Variants in LAMA4 observed in about 807,000 individuals in gnomAD.
LAMA4 encodes laminin subunit alpha 4, also known as laminin subunit alpha-4.
Under a neutral mutation model 207.1 loss-of-function variants are expected in LAMA4, and 127 were observed. The ratio of observed to expected loss-of-function variants is 0.61; its 90% CI spans 0.53 to 0.71. The LOEUF (loss-of-function observed/expected upper bound fraction) is 0.71. Among genes scored for constraint, LAMA4 ranks in the 30% least tolerant of loss-of-function variants. The pLI is 0.00. For synonymous variants in LAMA4, 761 were observed against 816.0 expected (o/e 0.93, Z 1.15); for missense variants, 2,093 against 2,246.5 (o/e 0.93, Z 1.38).
rs1304181910 is a variant in LAMA4, at chr6:112,254,309, A to G, written c.-141-18T>C. ...ACCAGCAGCTTAGGAAATAAAGGGA[A>G]AGTGCGAGAGTAAGGGAGAGTTCCA... On this transcript the variant is annotated intron_variant, in intron 1 of 38. Coordinates refer to ENST00000230538, the MANE Select transcript of LAMA4 (RefSeq NM_001105206.3). 7 of 844,874 alleles carry G rather than the reference A, an allele frequency of 8.3e-6. No individual in the cohort carries two copies. In the African/African-American group the frequency reaches 1.2e-4, roughly 14 times the overall value. The allele number at this position is 844,874 out of a possible 1,614,324, so 52.3% of individuals were successfully genotyped here.
chr6:112,249,774 T>C (rs1554189380), intron 2 of LAMA4, among the ~76,000 whole-genome samples: 1 of 152,228 alleles, frequency 6.6e-6, no homozygotes, highest in Non-Finnish European at 1.5e-5. Context: ...CATACTATTA[T>C]TGCTATTACC....
chr6:112,138,709 GAT>G (rs570885291), intron 24 of LAMA4, among the ~76,000 whole-genome samples: 429 of 151,944 alleles, frequency 2.8e-3, no homozygotes, highest in Non-Finnish European at 4.0e-3. Context: ...TATAAACAAA[GAT>G]ATATATGTGT....
intron 38 of LAMA4, among the ~76,000 whole-genome samples, chr6:112,112,950 A>G (rs1037980868): frequency 1.3e-5 from 2 of 152,202 alleles, no homozygotes; most frequent in Non-Finnish European, 1.5e-5. Context: ...ACTCACATAC[A>G]TGAGCTTAAG....
At chr6:112,250,131 G>A (rs547067969) in intron 2 of LAMA4, among the ~76,000 whole-genome samples, 1 of 152,180 alleles carries the variant, frequency 6.6e-6, no homozygotes, top group Non-Finnish European at 1.5e-5. Flanking sequence ...CATGTAAGGG[G>A]TTCAGATTAC....
At chr6:112,202,185 C>T (rs538996220) in intron 4 of LAMA4, among the ~76,000 whole-genome samples, 9 of 152,224 alleles carry the variant, frequency 5.9e-5, no homozygotes, top group Middle Eastern at 3.4e-3. Flanking sequence ...CTGGCTGCGT[C>T]GATGAAAGTC....
Position 112,172,747 on chromosome 6 carries a change from G to A in LAMA4, c.1415C>T (p.Pro472Leu). ...GTCATCCAGCTGCTCCAGGACGACA[G>A]GAAACAGAGTGCGGGTCTCATTGTG... ...RLHNETRTLF[P>L]VVLEQLDDYN... The change falls in exon 12 of 39, where the codon CCT becomes CTT. Residue 472 changes from proline (P) to leucine (L), a missense_variant. Pro to Leu is a moderately conservative substitution (Grantham distance 98). Around this residue, in one of 3 missense-constraint regions of LAMA4, gnomAD observed 1,704 missense variants for 1,788.4 expected, o/e 0.95. Coordinates refer to ENST00000230538, the MANE Select transcript of LAMA4 (RefSeq NM_001105206.3). The A allele has an allele frequency of 6.2e-7, 1 of 1,614,120 alleles. No homozygotes were observed. The highest frequency in any genetic ancestry group is 8.5e-7 in the Non-Finnish European group (1 of 1,179,996).
At chr6:112,241,150 A>AAT (rs1474824571) in intron 2 of LAMA4, among the ~76,000 whole-genome samples, 1 of 60,682 alleles carries the variant, frequency 1.6e-5, no homozygotes, top group Non-Finnish European at 4.2e-5. Context: ...TATATATATG[A>AAT]ATATATATAT....
chr6:112,177,540 T>A (rs1782098446), intron 10 of LAMA4, among the ~76,000 whole-genome samples: 1 of 152,248 alleles, frequency 6.6e-6, no homozygotes, highest in Non-Finnish European at 1.5e-5. Flanking sequence ...AAGATTATCC[T>A]GCATGTATTG....
intron 38 of LAMA4, among the ~76,000 whole-genome samples, 200 bp from the exon 39 acceptor site, chr6:112,109,782 G>A (rs782358662): frequency 2.2e-5 from 3 of 138,778 alleles, no homozygotes; most frequent in African/African-American, 3.5e-5. Context: ...TAATTTTAAC[G>A]TTTTGCCATG....
intron 4 of LAMA4, 95 bp from the exon 5 acceptor site, chr6:112,201,783 A>T (rs1272154197): frequency 1.9e-6 from 2 of 1,028,178 alleles, no homozygotes; most frequent in African/African-American, 3.1e-5. Flanking sequence ...TGGTCCCATT[A>T]AAGTTCTAAT....
intron 1 of LAMA4, 55 bp from the exon 2 acceptor site, chr6:112,254,346 C>CCT (rs1554190674): frequency 2.4e-5 from 15 of 636,226 alleles, no homozygotes; most frequent in South Asian, 7.6e-5. Flanking sequence ...CCTCTCTCTC[C>CCT]CTCTCTCTCT....
chr6:112,157,044 A>C (rs1554337184), intron 14 of LAMA4, among the ~76,000 whole-genome samples: 1 of 152,188 alleles, frequency 6.6e-6, no homozygotes, highest in African/African-American at 2.4e-5. Context: ...GAACCCACCA[A>C]GGCAAAAGTG....
At chr6:112,189,245 T>A in intron 6 of LAMA4, 40 bp from the exon 7 acceptor site, 1 of 1,405,478 alleles carries the variant, frequency 7.1e-7, no homozygotes, top group Non-Finnish European at 1.0e-6. Flanking sequence ...ATGCACTTCT[T>A]AATGCTTAAA....
intron 11 of LAMA4, among the ~76,000 whole-genome samples, chr6:112,173,714 T>G (rs1781855679): frequency 6.6e-6 from 1 of 152,204 alleles, no homozygotes; most frequent in African/African-American, 2.4e-5. Context: ...ATAATAAACC[T>G]GTATGTCAGT....
At chr6:112,114,835 A>G in intron 36 of LAMA4, 79 bp from the exon 37 acceptor site, 1 of 1,015,192 alleles carries the variant, frequency 9.9e-7, no homozygotes, top group Non-Finnish European at 1.6e-6. Context: ...AATTTACCAC[A>G]GTGAAGCAAT....
chr6:112,147,451 C>T (rs1780097228), intron 18 of LAMA4, among the ~76,000 whole-genome samples: 1 of 152,030 alleles, frequency 6.6e-6, no homozygotes, highest in Non-Finnish European at 1.5e-5. Context: ...GTTTGCAAAA[C>T]CATATTGGAG....
chr6:112,151,400 A>G (rs1780394554), intron 16 of LAMA4, among the ~76,000 whole-genome samples: 1 of 152,166 alleles, frequency 6.6e-6, no homozygotes. Flanking sequence ...TCATTTCCAT[A>G]TAAATTCTAG....
chr6:112,239,465 G>A (rs1786216700), intron 2 of LAMA4, among the ~76,000 whole-genome samples: 1 of 152,088 alleles, frequency 6.6e-6, no homozygotes, highest in African/African-American at 2.4e-5. Context: ...AAAACATGAG[G>A]CTAGAGGAGG....
In LAMA4 at chr6:112,252,943, C is replaced by T. The variant is rs560198106; in HGVS notation, c.195+1013G>A. ...GGGTAGGGCTTACTCTGAAGAAGGA[C>T]CATGTTCATGCACCTTATTTTTAAT... On this transcript the variant is annotated intron_variant, in intron 2 of 38. Transcript: ENST00000230538. Among the ~76,000 whole-genome samples the T allele has an allele frequency of 1.5e-3, 221 of 152,268 alleles. 2 individuals carry two copies. The highest frequency in any genetic ancestry group is 5.0e-3 in the African/African-American group (207 of 41,544).
Sources: allele counts gnomAD v4.1 joint callset (sites outside exome capture counted in the v4.1 genomes callset), GRCh38; gene constraint gnomAD v4.1.1; regional missense constraint gnomAD v4.1.1; transcripts MANE v1.5; gene names NCBI Gene and HGNC (gene_info 2026-07-23, HGNC 2026-07-21).